Variants in HELQ observed in about 807,000 individuals in gnomAD.
The protein encoded by HELQ is helicase POLQ-like.
A neutral mutation model predicts 111.6 loss-of-function variants in HELQ; 77 were observed. That is an observed-to-expected ratio of 0.69 (90% CI 0.57 to 0.83). The LOEUF is 0.83. Ranked by LOEUF, HELQ falls within the 40% of genes least tolerant of loss-of-function variation. The pLI is 0.00. For synonymous variants in HELQ, 438 were observed against 454.7 expected (o/e 0.96, Z 0.47); for missense variants, 1,200 against 1,288.5 (o/e 0.93, Z 1.05).
At chr4:83,428,183 G>A (rs370318911) in intron 12 of HELQ, among the ~76,000 whole-genome samples, 2 of 152,068 alleles carry the variant, frequency 1.3e-5, no homozygotes, top group East Asian at 3.8e-4. Context: ...ATATTTAAAT[G>A]ATCATTCCAT....
At chr4:83,441,116 T>C (rs891313726) in intron 7 of HELQ, among the ~76,000 whole-genome samples, 189 bp downstream of exon 7, 22 of 152,192 alleles carry the variant, frequency 1.4e-4, no homozygotes, top group African/African-American at 5.1e-4. Flanking sequence ...GAAAAGAATA[T>C]GGTGTGATCT....
chr4:83,414,310 A>G (rs1739253495), intron 17 of HELQ, among the ~76,000 whole-genome samples: 3 of 152,132 alleles, frequency 2.0e-5, no homozygotes, highest in Admixed American at 2.0e-4. Flanking sequence ...CTGTAGCACC[A>G]CAACAAACTT....
rs376209774 is a variant in HELQ, at chr4:83,421,603, C to G, written c.2909G>C (p.Gly970Ala). ...CACACAAGATGAGAATGAGGCAGTT[C>G]CAGTGAGAAGATTTTGTATATATCC... ...PRGYIQNLLTGTASFSSCVLH... is the reference protein window; with the variant it reads ...PRGYIQNLLTATASFSSCVLH... The change falls in exon 15 of 18, where the codon GGA becomes GCA. Residue 970 changes from glycine to alanine, a missense_variant. This residue lies in a region of HELQ where 585 missense variants were observed against 665.3 expected (regional missense o/e 0.88). Transcript: ENST00000295488. 2.5e-6 allele frequency: 4 copies of G among 1,613,252 alleles called. No individual in the cohort carries two copies. The African/African-American group carries it at 5.3e-5, about 22-fold the overall frequency.
At chr4:83,415,947 AT>A (rs1239903829) in intron 17 of HELQ, among the ~76,000 whole-genome samples, 10,621 of 93,420 alleles carry the variant, frequency 0.11, 1,302 homozygotes, top group African/African-American at 0.32. Flanking sequence ...GAACCCAGCC[AT>A]TTTTTTTTTT....
At chr4:83,449,039 C>T in intron 2 of HELQ, 78 bp from the exon 3 acceptor site, 1 of 1,022,382 alleles carries the variant, frequency 9.8e-7, no homozygotes, top group Non-Finnish European at 1.4e-6. Flanking sequence ...GAAAAAAAAT[C>T]AAATCCCTTC....
chr4:83,422,832 G>A (rs542164562), intron 14 of HELQ, among the ~76,000 whole-genome samples: 3 of 152,252 alleles, frequency 2.0e-5, no homozygotes, highest in African/African-American at 4.8e-5. Flanking sequence ...AATTGTGTAC[G>A]TATGTGATTA....
At chr4:83,449,328 TG>T (rs1392370987) in intron 2 of HELQ, among the ~76,000 whole-genome samples, 1 of 152,242 alleles carries the variant, frequency 6.6e-6, no homozygotes, top group African/African-American at 2.4e-5. Context: ...TCTTATGTTC[TG>T]CAAGGAGATT....
chr4:83,445,882 A>C, intron 5 of HELQ, 132 bp downstream of exon 5: 1 of 599,580 alleles, frequency 1.7e-6, no homozygotes, highest in Admixed American at 3.1e-5. Context: ...ATTCATTAGA[A>C]ATTTTAAAAC....
chr4:83,425,435 G>T (rs1490507975), intron 14 of HELQ, among the ~76,000 whole-genome samples: 2 of 152,094 alleles, frequency 1.3e-5, no homozygotes, highest in African/African-American at 2.4e-5. Flanking sequence ...GGTTATGAAA[G>T]AATTACTTCA....
At position 83,453,558 on chromosome 4, in the gene HELQ, T is replaced by A. The variant is rs113539529; in HGVS notation, c.685A>T (p.Asn229Tyr). ...TGGGGCAGTTCCTCATTCACAGTGTTGTGAGAGGATGACTTCCAATCCCTT... is the reference window on the plus strand; with the variant it reads ...TGGGGCAGTTCCTCATTCACAGTGTAGTGAGAGGATGACTTCCAATCCCTT... ...KERDWKSSSH[N>Y]TVNEELPHNC... is the part of the protein sequence containing the mutation. Residue 229 changes from asparagine (N) to tyrosine (Y), a missense_variant, in exon 2 of 18, where the codon AAC (asparagine) becomes TAC (tyrosine). Around this residue, in one of 3 missense-constraint regions of HELQ, gnomAD observed 610 missense variants for 607.1 expected, o/e 1.00. Coordinates refer to ENST00000295488, the MANE Select transcript of HELQ (RefSeq NM_133636.5). 1 of 1,613,606 alleles carries A rather than the reference T, an allele frequency of 6.2e-7. No homozygotes were observed. The highest frequency in any genetic ancestry group is 8.5e-7 in the Non-Finnish European group (1 of 1,179,720).
intron 13 of HELQ, among the ~76,000 whole-genome samples, chr4:83,427,162 C>T (rs563353029): frequency 9.2e-5 from 14 of 152,130 alleles, no homozygotes; most frequent in East Asian, 7.7e-4. Context: ...AATAGGACCA[C>T]GGATAATCTT....
chr4:83,418,527 C>T (rs1392483936), intron 15 of HELQ, among the ~76,000 whole-genome samples: 1 of 152,120 alleles, frequency 6.6e-6, no homozygotes, highest in Non-Finnish European at 1.5e-5. Context: ...AAAACAATTC[C>T]TACATCTGGA....
At chr4:83,441,181 C>T (rs1720736524) in intron 7 of HELQ, 124 bp downstream of exon 7, 3 of 640,610 alleles carry the variant, frequency 4.7e-6, no homozygotes, top group East Asian at 6.0e-5. Flanking sequence ...TGGTGTCCAA[C>T]AAATGTCAAG....
intron 8 of HELQ, among the ~76,000 whole-genome samples, chr4:83,439,631 G>A (rs1720665311): frequency 6.6e-6 from 1 of 152,184 alleles, no homozygotes; most frequent in African/African-American, 2.4e-5. Flanking sequence ...AAAGTGCTGG[G>A]ATTACAGGCA....
At chr4:83,423,607 T>C (rs1262215038) in intron 14 of HELQ, among the ~76,000 whole-genome samples, 2 of 152,206 alleles carry the variant, frequency 1.3e-5, no homozygotes, top group Non-Finnish European at 2.9e-5. Context: ...CAATGCTTTA[T>C]GCCAATGTCA....
At chr4:83,430,275 A>T (rs953073612) in intron 11 of HELQ, among the ~76,000 whole-genome samples, 8 of 125,974 alleles carry the variant, frequency 6.4e-5, no homozygotes, top group Admixed American at 2.9e-4. Context: ...AAAGTATAAT[A>T]AAAAAAAAAC....
intron 2 of HELQ, among the ~76,000 whole-genome samples, chr4:83,449,877 A>G (rs1721255478): frequency 6.6e-6 from 1 of 151,688 alleles, no homozygotes; most frequent in African/African-American, 2.4e-5. Context: ...TCAAAAAAAA[A>G]AAAAGCCCCA....
At chr4:83,442,332 A>G (rs1720809658) in intron 6 of HELQ, among the ~76,000 whole-genome samples, 1 of 145,316 alleles carries the variant, frequency 6.9e-6, no homozygotes, top group Non-Finnish European at 1.5e-5. Context: ...TAGCGGCACA[A>G]ACACAGCTTA....
chr4:83,451,523 G>A lies in HELQ; in HGVS notation c.1012+1708C>T, dbSNP rs188180903. Among the ~76,000 whole-genome samples the A allele has an allele frequency of 8.1e-3, 1,235 of 151,880 alleles. 12 individuals are homozygous for A. The highest frequency in any genetic ancestry group is 0.027 in the African/African-American group (1,119 of 41,318). On this transcript the variant is annotated intron_variant, in intron 2 of 17. Transcript: ENST00000295488. ...TAAAAATACAAAAAAAAAATTAGCC[G>A]GGCGTGGTGGCGGGCGCCTGTAGTC...
Sources: gnomAD v4.1 joint callset for allele counts (sites outside exome capture counted in the v4.1 genomes callset) on GRCh38, gnomAD v4.1.1 for gene constraint, gnomAD v4.1.1 regional missense constraint, MANE v1.5 for transcripts, NCBI Gene and HGNC (gene_info 2026-07-23, HGNC 2026-07-21) for gene names.